The following MED13L variants were observed in gnomAD, a reference collection of about 807,000 sequenced individuals.
MED13L encodes the protein mediator of RNA polymerase II transcription subunit 13-like.
A neutral mutation model predicts 220.9 loss-of-function variants in MED13L; 7 were observed. The observed-to-expected ratio is 0.03, with a 90% CI of 0.02 to 0.06. The LOEUF is 0.06. Among genes scored for constraint, MED13L ranks in the 10% least tolerant of loss-of-function variants. The pLI is 1.00. For missense variants in MED13L, 1,965 were observed against 2,760.5 expected, an observed-to-expected ratio of 0.71 and a Z score of 6.46; for synonymous variants, 1,011 against 1,015.2, an observed-to-expected ratio of 1.00 and a Z score of 0.08.
At chr12:116,037,958 C>T (rs1439827526) in intron 4 of MED13L, among the ~76,000 whole-genome samples, 1 of 152,054 alleles carries the variant, frequency 6.6e-6, no homozygotes, top group African/African-American at 2.4e-5. Context: ...AGCCAACATA[C>T]GTAAGATTTG....
chr12:116,232,005 C>T (rs1869605631), intron 2 of MED13L: 1 of 837,382 alleles, frequency 1.2e-6, no homozygotes, highest in African/African-American at 1.8e-5. Context: ...CTACAAAATG[C>T]CCACTTGCAA....
At chr12:116,142,673 A>G (rs1451420794) in intron 2 of MED13L, among the ~76,000 whole-genome samples, 1 of 152,104 alleles carries the variant, frequency 6.6e-6, no homozygotes, top group Non-Finnish European at 1.5e-5. Flanking sequence ...GGACGACAAG[A>G]GTGAGGCCCA....
intron 4 of MED13L, among the ~76,000 whole-genome samples, chr12:116,079,642 G>A (rs1871087885): frequency 1.3e-5 from 2 of 151,752 alleles, no homozygotes; most frequent in Non-Finnish European, 1.5e-5. Flanking sequence ...GGGCTCAAGC[G>A]ATCCTCCTGC....
intron 7 of MED13L, among the ~76,000 whole-genome samples, chr12:116,016,437 T>G (rs2137420651): frequency 1.3e-5 from 2 of 152,308 alleles, no homozygotes; most frequent in East Asian, 3.9e-4. Context: ...TGGTTCATGA[T>G]GCAAAAGAAT....
intron 25 of MED13L, among the ~76,000 whole-genome samples, chr12:115,973,537 TG>T (rs1445860125): frequency 6.6e-6 from 1 of 152,204 alleles, no homozygotes; most frequent in Non-Finnish European, 1.5e-5. Context: ...AGGAAGGAGA[TG>T]GCCTTAATAA....
intron 2 of MED13L, among the ~76,000 whole-genome samples, chr12:116,135,869 G>A (rs1876502038): frequency 1.3e-5 from 2 of 151,726 alleles, no homozygotes; most frequent in Non-Finnish European, 1.5e-5. Flanking sequence ...AAGCCACTGT[G>A]CTGCTTCAAG....
intron 3 of MED13L, among the ~76,000 whole-genome samples, chr12:116,106,879 T>C (rs1873631312): frequency 6.6e-6 from 1 of 151,696 alleles, no homozygotes; most frequent in East Asian, 1.9e-4. Flanking sequence ...AAAGATATTA[T>C]AGAAAGGGAT....
chr12:116,131,758 C>T (rs1487110787), intron 2 of MED13L, among the ~76,000 whole-genome samples: 2 of 152,156 alleles, frequency 1.3e-5, no homozygotes, highest in East Asian at 1.9e-4. Flanking sequence ...GAAGGCAGAT[C>T]GCTTCAGCTC....
chr12:116,084,056 A>AT (rs1244356550), intron 4 of MED13L, among the ~76,000 whole-genome samples: 1 of 152,372 alleles, frequency 6.6e-6, no homozygotes, highest in East Asian at 1.9e-4. Flanking sequence ...TCTATAGAGC[A>AT]TACCTTGTAT....
intron 1 of MED13L, among the ~76,000 whole-genome samples, chr12:116,249,592 T>C (rs895492174): frequency 3.3e-5 from 5 of 151,862 alleles, no homozygotes; most frequent in South Asian, 2.1e-4. Flanking sequence ...ATTATAAATA[T>C]GGTCAAGAAT....
At chr12:116,039,091 T>A (rs1881371695) in intron 4 of MED13L, among the ~76,000 whole-genome samples, 1 of 152,234 alleles carries the variant, frequency 6.6e-6, no homozygotes, top group Non-Finnish European at 1.5e-5. Context: ...AACTACTGTA[T>A]AACATAAAAT....
chr12:116,143,546 C>A (rs1029895875), intron 2 of MED13L, among the ~76,000 whole-genome samples: 3 of 152,116 alleles, frequency 2.0e-5, no homozygotes, highest in Admixed American at 6.5e-5. Flanking sequence ...GCTAGGTTCC[C>A]GGCTTGTCCA....
At chr12:115,961,692 G>T (rs1228874006) in intron 30 of MED13L, 1 of 432,890 alleles carries the variant, frequency 2.3e-6, no homozygotes, top group Admixed American at 3.5e-5. Context: ...TTAGGGGCCA[G>T]GTGCAGTGGC....
chr12:116,147,687 C>T (rs1412692976), intron 2 of MED13L, among the ~76,000 whole-genome samples: 2 of 151,998 alleles, frequency 1.3e-5, no homozygotes, highest in East Asian at 1.9e-4. Flanking sequence ...CTGTAATATA[C>T]CAAACTGTAA....
intron 4 of MED13L, among the ~76,000 whole-genome samples, chr12:116,083,408 A>G (rs1209140911): frequency 2.0e-5 from 3 of 149,610 alleles, no homozygotes; most frequent in African/African-American, 7.4e-5. Flanking sequence ...TCGAGGGAAA[A>G]AAAAAAAAAA....
intron 2 of MED13L, among the ~76,000 whole-genome samples, chr12:116,225,317 C>A (rs995458472): frequency 6.6e-6 from 1 of 152,052 alleles, no homozygotes; most frequent in Non-Finnish European, 1.5e-5. Context: ...TGTTTCAGGG[C>A]TCCAACTGAG....
intron 2 of MED13L, among the ~76,000 whole-genome samples, chr12:116,124,583 A>G (rs966156529): frequency 6.6e-6 from 1 of 152,208 alleles, no homozygotes; most frequent in Non-Finnish European, 1.5e-5. Flanking sequence ...GACAGAAAAA[A>G]AACTGCTTTC....
intron 2 of MED13L, among the ~76,000 whole-genome samples, chr12:116,171,763 C>T (rs1046168977): frequency 2.6e-5 from 4 of 152,190 alleles, no homozygotes; most frequent in Admixed American, 2.0e-4. Context: ...CATACCAAAA[C>T]ATCCAGCTCT....
chr12:116,275,296 G>A (rs1873722231), intron 1 of MED13L, among the ~76,000 whole-genome samples: 1 of 152,028 alleles, frequency 6.6e-6, no homozygotes, highest in African/African-American at 2.4e-5. Flanking sequence ...GCAAAAGGGG[G>A]TTTTACTCCC....
Sources: allele counts gnomAD v4.1 joint callset (sites outside exome capture counted in the v4.1 genomes callset), GRCh38; gene constraint gnomAD v4.1.1; transcripts MANE v1.5; gene names NCBI Gene and HGNC (gene_info 2026-07-23, HGNC 2026-07-21).